Variants in PTGES3 observed in about 807,000 individuals in gnomAD.
PTGES3 encodes the protein prostaglandin E synthase 3, also known as Hsp90 co-chaperone.
PTGES3 carries 5 observed loss-of-function variants against 29.9 expected under a neutral mutation model. The ratio of observed to expected loss-of-function variants is 0.17; its 90% CI spans 0.09 to 0.35. The LOEUF is 0.35. Ranked by LOEUF, PTGES3 falls within the 10% of genes least tolerant of loss-of-function variation. The pLI is 1.00. For synonymous variants in PTGES3, 49 were observed against 57.8 expected (o/e 0.85, Z 0.69); for missense variants, 128 against 190.0 (o/e 0.67, Z 1.92).
At chr12:56,676,272 A>G (rs1439708784) in intron 1 of PTGES3, among the ~76,000 whole-genome samples, 6 of 150,508 alleles carry the variant, frequency 4.0e-5, no homozygotes, top group Admixed American at 1.3e-4. Flanking sequence ...GGAACCCAGC[A>G]TTTCTGACAG....
intron 1 of PTGES3, among the ~76,000 whole-genome samples, chr12:56,681,089 G>A (rs181023070): frequency 6.6e-5 from 10 of 152,080 alleles, no homozygotes; most frequent in Non-Finnish European, 1.5e-5. Flanking sequence ...TTGTAGTTGT[G>A]TTTTGTTTTT....
At chr12:56,680,379 TTTCTTTC>T (rs1211978252) in intron 1 of PTGES3, among the ~76,000 whole-genome samples, 1 of 148,834 alleles carries the variant, frequency 6.7e-6, no homozygotes, top group African/African-American at 2.5e-5. Flanking sequence ...CCAACCCAAT[TTTCTTTC>T]TTTTTTTTTT....
At chr12:56,671,005 G>C (rs1391809502) in intron 4 of PTGES3, among the ~76,000 whole-genome samples, 21 of 152,146 alleles carry the variant, frequency 1.4e-4, no homozygotes. Flanking sequence ...GCTATTTGGA[G>C]AGGTGAGGTG....
intron 1 of PTGES3, among the ~76,000 whole-genome samples, chr12:56,683,909 G>A (rs1457481773): frequency 2.1e-5 from 3 of 145,754 alleles, no homozygotes; most frequent in Non-Finnish European, 4.5e-5. Context: ...GCAGTGAGCC[G>A]AGATCGCGCC....
intron 6 of PTGES3, chr12:56,665,940 G>T: frequency 9.0e-7 from 1 of 1,113,408 alleles, no homozygotes; most frequent in Non-Finnish European, 1.1e-6. Context: ...TGTTATAATT[G>T]AGTACGGTAT....
At chr12:56,685,606 T>C (rs1358882664) in intron 1 of PTGES3, among the ~76,000 whole-genome samples, 1 of 151,598 alleles carries the variant, frequency 6.6e-6, no homozygotes, top group Non-Finnish European at 1.5e-5. Flanking sequence ...TTCACCGTGT[T>C]AGCCAGGATG....
In PTGES3 at chr12:56,688,051, C is replaced by A; in HGVS notation, c.-52G>T. The A allele has an allele frequency of 6.7e-7, 1 of 1,496,502 alleles. No individual in the cohort carries two copies. Among genetic ancestry groups the A allele is most frequent in the South Asian group, 1.3e-5 (1 of 78,758 alleles). 92.7% of individuals were successfully genotyped at this position (1,496,502 alleles called of 1,614,324 possible). A position where few individuals can be genotyped will look rare whatever the true frequency, so the allele number is the denominator to read the frequency against. On this transcript the variant is annotated 5_prime_UTR_variant, in exon 1 of 8. Transcript: ENST00000262033. ...ACTGGTGGGCGGGCCTCTCTGGCGG[C>A]GGCTGCTGCTAGGGAGTCGACTTCT... is the stretch of plus-strand genomic sequence containing the variant.
intron 1 of PTGES3, among the ~76,000 whole-genome samples, chr12:56,683,025 C>A (rs889776809): frequency 6.6e-6 from 1 of 151,546 alleles, no homozygotes; most frequent in African/African-American, 2.4e-5. Context: ...AAAGGTATAC[C>A]GAGGAAGCAG....
intron 5 of PTGES3, among the ~76,000 whole-genome samples, 174 bp from the exon 6 acceptor site, chr12:56,666,440 T>C (rs1473408974): frequency 6.6e-6 from 1 of 151,960 alleles, no homozygotes; most frequent in African/African-American, 2.4e-5. Flanking sequence ...TTATACAAAA[T>C]CCTAAAAACC....
At position 56,688,177 on chromosome 12, in the gene PTGES3, A is replaced by G; in HGVS notation, c.-178T>C. On this transcript the variant is annotated 5_prime_UTR_variant, in exon 1 of 8. Transcript: ENST00000262033. ...GGCTCGACCTCGGGCCCCAGAATGC[A>G]CCGCGCGGAAAGAGCGGCTCCTCCG... 4 of 1,182,352 alleles carry G rather than the reference A, an allele frequency of 3.4e-6. No homozygotes were observed. The highest frequency in any genetic ancestry group is 4.4e-6 in the Non-Finnish European group (4 of 900,134). The allele number at this position is 1,182,352 out of a possible 1,614,324, so 73.2% of individuals were successfully genotyped here.
chr12:56,666,030 A>G lies in PTGES3; in HGVS notation c.438+174T>C, dbSNP rs571093920. 67 of 1,381,446 alleles carry G rather than the reference A, an allele frequency of 4.8e-5. No homozygotes were observed. The African/African-American group carries it at 9.9e-4, about 20-fold the overall frequency. The allele number at this position is 1,381,446 out of a possible 1,614,324, so 85.6% of individuals were successfully genotyped here. A position where few individuals can be genotyped will look rare whatever the true frequency, so the allele number is the denominator to read the frequency against. On this transcript the variant is annotated intron_variant, in intron 6 of 7. Transcript: ENST00000262033. ...TGGTCTACGGTACAACCAGTTCCCTAATAGATACCCCCATTCGTCAAAAAT... is the reference window on the plus strand; with the variant it reads ...TGGTCTACGGTACAACCAGTTCCCTGATAGATACCCCCATTCGTCAAAAAT...
intron 5 of PTGES3, among the ~76,000 whole-genome samples, chr12:56,669,007 A>ATTTTTTTTTTTTT (rs577249197): frequency 1.0e-5 from 1 of 97,058 alleles, no homozygotes; most frequent in African/African-American, 4.0e-5. Context: ...TTCACCATGA[A>ATTTTTTTTTTTTT]TTTTTTTTTT....
intron 1 of PTGES3, among the ~76,000 whole-genome samples, chr12:56,679,769 G>A (rs190777791): frequency 2.3e-4 from 35 of 152,214 alleles, no homozygotes; most frequent in African/African-American, 8.4e-4. Context: ...CCACCTCCCA[G>A]GTTGAAGCAA....
At chr12:56,684,998 G>C (rs576666201) in intron 1 of PTGES3, among the ~76,000 whole-genome samples, 103 of 152,238 alleles carry the variant, frequency 6.8e-4, no homozygotes, top group Non-Finnish European at 1.3e-3. Context: ...GTGCTTGCCT[G>C]CAGTCCCAGC....
chr12:56,686,929 GA>G (rs1337864638), intron 1 of PTGES3: 3 of 194,298 alleles, frequency 1.5e-5, no homozygotes, highest in Non-Finnish European at 2.7e-5. Context: ...TAAAACAAAA[GA>G]AAAAAAAGGT....
intron 1 of PTGES3, 159 bp downstream of exon 1, chr12:56,687,839 G>A: frequency 6.8e-7 from 1 of 1,478,432 alleles, no homozygotes; most frequent in Non-Finnish European, 8.9e-7. Context: ...TCCTCCACCC[G>A]CCAACGGTAA....
Position 56,664,638 on chromosome 12 carries a change from CA to C in PTGES3, c.463+137del. On this transcript the variant is annotated intron_variant, in intron 7 of 7. Transcript: ENST00000262033. The stretch of plus-strand genomic sequence containing the variant: ...TAGGTTGTCTTGCTATCAAGTTATT[CA>C]CATTTCTGCTTTGGTTATTTATTCA... 3 of 1,370,046 alleles carry C rather than the reference CA, an allele frequency of 2.2e-6. No homozygotes were observed. In the South Asian group the frequency reaches 3.9e-5, roughly 18 times the overall value. The allele number at this position is 1,370,046 out of a possible 1,614,324, so 84.9% of individuals were successfully genotyped here. A position where few individuals can be genotyped will look rare whatever the true frequency, so the allele number is the denominator to read the frequency against.
intron 1 of PTGES3, among the ~76,000 whole-genome samples, chr12:56,681,890 G>A (rs1952560286): frequency 6.6e-6 from 1 of 151,976 alleles, no homozygotes; most frequent in Non-Finnish European, 1.5e-5. Context: ...AACCCAGGCT[G>A]GAGTGCAGCA....
intron 5 of PTGES3, among the ~76,000 whole-genome samples, chr12:56,669,753 G>C (rs1427336063): frequency 6.6e-6 from 1 of 151,958 alleles, no homozygotes; most frequent in African/African-American, 2.4e-5. Context: ...GGGACCACAG[G>C]TGCGCGCCAC....
Sources: gnomAD v4.1 joint callset for allele counts (sites outside exome capture counted in the v4.1 genomes callset) on GRCh38, gnomAD v4.1.1 for gene constraint, MANE v1.5 for transcripts, NCBI Gene and HGNC (gene_info 2026-07-23, HGNC 2026-07-21) for gene names.